CTR9: variants seen among roughly 807,000 people sequenced by gnomAD.
CTR9 encodes CTR9 component of Paf1/RNA polymerase II complex, also known as RNA polymerase-associated protein CTR9 homolog.
A neutral mutation model predicts 152.1 loss-of-function variants in CTR9; 41 were observed. That is an observed-to-expected ratio of 0.27 (90% CI 0.21 to 0.35). CTR9 has a LOEUF of 0.35. Ranked by LOEUF, CTR9 falls within the 10% of genes least tolerant of loss-of-function variation. The pLI, the probability that CTR9 is intolerant of heterozygous loss-of-function variation, is 1.00. For synonymous variants in CTR9, 476 were observed against 496.2 expected, an observed-to-expected ratio of 0.96 and a Z score of 0.54; for missense variants, 917 against 1,424.4, an observed-to-expected ratio of 0.64 and a Z score of 5.73.
At chr11:10,769,877 C>T (rs1009425560) in intron 16 of CTR9, among the ~76,000 whole-genome samples, 1 of 152,152 alleles carries the variant, frequency 6.6e-6, no homozygotes, top group African/African-American at 2.4e-5. Context: ...GACTTCTCAT[C>T]AGTGGTCAAT....
At position 10,770,273 on chromosome 11, in the gene CTR9, C is replaced by T. The variant is rs766817007; in HGVS notation, c.2173C>T (p.Arg725Trp). Reference protein sequence around the residue: ...QNTEVVLYLARALFKCGKLQE... With the variant: ...QNTEVVLYLAWALFKCGKLQE... ...CACTGAAGTTGTACTCTATTTGGCCCGGGCCCTCTTCAAGTGTGGCAAGTT... is the reference window on the plus strand; with the variant it reads ...CACTGAAGTTGTACTCTATTTGGCCTGGGCCCTCTTCAAGTGTGGCAAGTT... Residue 725 changes from arginine to tryptophan, a missense_variant, in exon 17 of 25, where the codon CGG (arginine) becomes TGG (tryptophan). Arg to Trp is a moderately radical substitution (Grantham distance 101, BLOSUM62 -3). Coordinates refer to ENST00000361367, the MANE Select transcript of CTR9 (RefSeq NM_014633.5). 4.3e-6 allele frequency: 7 copies of T among 1,614,018 alleles called. No individual in the cohort carries two copies. The highest frequency in any genetic ancestry group is 5.9e-6 in the Non-Finnish European group (7 of 1,179,970).
At chr11:10,773,730 C>T (rs1003643720) in intron 21 of CTR9, among the ~76,000 whole-genome samples, 6 of 151,904 alleles carry the variant, frequency 3.9e-5, no homozygotes, top group South Asian at 2.1e-4. Flanking sequence ...CTAAAAAGTA[C>T]AGAAATTAGC....
intron 9 of CTR9, 39 bp from the exon 10 acceptor site, chr11:10,764,073 A>G (rs775403885): frequency 6.3e-7 from 1 of 1,591,156 alleles, no homozygotes. Flanking sequence ...GACAACCTAT[A>G]GATGGAATAC....
chr11:10,779,165 T>C lies in CTR9; in HGVS notation c.*60T>C. The C allele has an allele frequency of 1.3e-6, 2 of 1,484,376 alleles. No homozygotes were observed. The highest frequency in any genetic ancestry group is 1.3e-5 in the South Asian group (1 of 74,692). 92.0% of individuals were successfully genotyped at this position (1,484,376 alleles called of 1,614,324 possible). ...AAACTTTTTTAATATATGAAAGCTG[T>C]GATAAAAATGTTTCAGATGTTTAGT... is the stretch of plus-strand genomic sequence containing the variant. On this transcript the variant is annotated 3_prime_UTR_variant, in exon 25 of 25. Transcript: ENST00000361367.
At position 10,768,381 on chromosome 11, in the gene CTR9, C is replaced by G; in HGVS notation, c.1999C>G (p.Arg667Gly). Residue 667 changes from arginine to glycine, a missense_variant, in exon 16 of 25, where the codon CGT becomes GGT. By Grantham distance (125) the Arg-to-Gly change is moderately radical (BLOSUM62 -2). This residue lies in a region of CTR9 where 87 missense variants were observed against 235.7 expected (regional missense o/e 0.37). Transcript: ENST00000361367. Reference sequence around the variant, plus strand: ...CCACAAAGGATATTTTCGTGAAGCTCGTGATGTATTTGCCCAAGTAAGAGA... The same window carrying G: ...CCACAAAGGATATTTTCGTGAAGCTGGTGATGTATTTGCCCAAGTAAGAGA... ...LAHKGYFREARDVFAQVREAT... is the reference protein window; with the variant it reads ...LAHKGYFREAGDVFAQVREAT... The G allele has an allele frequency of 6.2e-7, 1 of 1,613,934 alleles. No individual in the cohort carries two copies. The highest frequency in any genetic ancestry group is 8.5e-7 in the Non-Finnish European group (1 of 1,179,976).
chr11:10,770,662 A>G, intron 18 of CTR9, 30 bp downstream of exon 18: 1 of 1,593,486 alleles, frequency 6.3e-7, no homozygotes, highest in Non-Finnish European at 8.5e-7. Flanking sequence ...AACCTATGAA[A>G]TGCTTTATTT....
Position 10,754,989 on chromosome 11 carries a change from A to T in CTR9, c.176A>T (p.Glu59Val). The T allele has an allele frequency of 6.2e-7, 1 of 1,613,992 alleles. No homozygotes were observed. The highest frequency in any genetic ancestry group is 8.5e-7 in the Non-Finnish European group (1 of 1,179,946). ...TACTACAAGCAAGGAAAAACAGAAG[A>T]GTTTGTAAAATTGTTGGAAGCAGCA... Reference protein sequence around the residue: ...LEYYKQGKTEEFVKLLEAARI... With the variant: ...LEYYKQGKTEVFVKLLEAARI... The change falls in exon 3 of 25, where the codon GAG becomes GTG. Residue 59 changes from glutamate to valine, a missense_variant. By Grantham distance (121) the Glu-to-Val change is moderately radical. This residue lies in a region of CTR9 where 67 missense variants were observed against 106.9 expected (regional missense o/e 0.63). Transcript: ENST00000361367.
intron 2 of CTR9, among the ~76,000 whole-genome samples, chr11:10,754,741 A>G (rs1157760095): frequency 6.6e-6 from 1 of 152,216 alleles, no homozygotes. Flanking sequence ...AGATTTATCC[A>G]TGTTGTAGCA....
At chr11:10,759,902 C>T (rs938025401) in intron 5 of CTR9, among the ~76,000 whole-genome samples, 1 of 151,908 alleles carries the variant, frequency 6.6e-6, no homozygotes, top group Non-Finnish European at 1.5e-5. Context: ...TGGTTAGCAG[C>T]GATGTTAGAA....
intron 24 of CTR9, among the ~76,000 whole-genome samples, chr11:10,776,492 G>A (rs1472516007): frequency 6.6e-6 from 1 of 152,080 alleles, no homozygotes; most frequent in African/African-American, 2.4e-5. Context: ...TCTCAACCAG[G>A]TCTCTTAATA....
intron 5 of CTR9, among the ~76,000 whole-genome samples, chr11:10,758,585 A>T (rs2135360708): frequency 6.6e-6 from 1 of 152,326 alleles, no homozygotes; most frequent in South Asian, 2.1e-4. Flanking sequence ...AGTTTGAAAT[A>T]CCTTTTAGAC....
intron 13 of CTR9, among the ~76,000 whole-genome samples, 185 bp downstream of exon 13, chr11:10,766,675 A>G (rs1173991427): frequency 1.3e-5 from 2 of 152,174 alleles, no homozygotes; most frequent in African/African-American, 4.8e-5. Context: ...AATAGGGACC[A>G]TGTTTTTTTA....
intron 5 of CTR9, among the ~76,000 whole-genome samples, chr11:10,759,256 A>G (rs925474711): frequency 6.6e-6 from 1 of 152,206 alleles, no homozygotes; most frequent in Non-Finnish European, 1.5e-5. Context: ...TAGGAGGAAA[A>G]TAGGGTAAGT....
chr11:10,779,153 A>T lies in CTR9; in HGVS notation c.*48A>T, dbSNP rs746078388. 1 of 1,510,034 alleles carries T rather than the reference A, an allele frequency of 6.6e-7. No homozygotes were observed. The highest frequency in any genetic ancestry group is 1.3e-5 in the South Asian group (1 of 78,028). The allele number at this position is 1,510,034 out of a possible 1,614,324, so 93.5% of individuals were successfully genotyped here. A position where few individuals can be genotyped will look rare whatever the true frequency, so the allele number is the denominator to read the frequency against. ...CATCTCTGGAGGAAACTTTTTTAAT[A>T]TATGAAAGCTGTGATAAAAATGTTT... On this transcript the variant is annotated 3_prime_UTR_variant, in exon 25 of 25. Transcript: ENST00000361367.
rs939104309 is a variant in CTR9 at position 10,754,892 on chromosome 11, A to G, written c.145-66A>G. On this transcript the variant is annotated intron_variant, in intron 2 of 24. Transcript: ENST00000361367. ...TATTACAAATAAAGCTGCTGTAAAC[A>G]TTTGTGTACAACTTTTTATATGGAC... is the stretch of plus-strand genomic sequence containing the variant. 3.1e-5 allele frequency: 47 copies of G among 1,513,568 alleles called. No individual in the cohort carries two copies. In the African/African-American group the frequency reaches 3.6e-4, roughly 12 times the overall value. The allele number at this position is 1,513,568 out of a possible 1,614,324, so 93.8% of individuals were successfully genotyped here.
intron 13 of CTR9, chr11:10,766,907 C>G (rs1863069610): frequency 6.4e-6 from 1 of 156,064 alleles, no homozygotes; most frequent in African/African-American, 2.4e-5. Context: ...TGAGGGCCCA[C>G]AAAAAGAAAT....
rs1863216374 is a variant in CTR9, at chr11:10,775,396, C to T, written c.2982+93C>T. Reference sequence around the variant, plus strand: ...ATTCTTTCCTTGCAGCTTTCTCAAGCACAAATGCTTGTTTTCAAAGTTCAT... The same window carrying T: ...ATTCTTTCCTTGCAGCTTTCTCAAGTACAAATGCTTGTTTTCAAAGTTCAT... On this transcript the variant is annotated intron_variant, in intron 23 of 24. Coordinates refer to ENST00000361367, the MANE Select transcript of CTR9 (RefSeq NM_014633.5). 4.3e-6 allele frequency: 6 copies of T among 1,407,292 alleles called. No individual in the cohort carries two copies. The East Asian group carries it at 1.4e-4, about 33-fold the overall frequency. 87.2% of individuals were successfully genotyped at this position (1,407,292 alleles called of 1,614,324 possible). A position where few individuals can be genotyped will look rare whatever the true frequency, so the allele number is the denominator to read the frequency against.
intron 20 of CTR9, 48 bp downstream of exon 20, chr11:10,772,703 G>A (rs1246266675): frequency 2.6e-6 from 4 of 1,510,718 alleles, no homozygotes; most frequent in East Asian, 2.4e-5. Context: ...TTGTGTGCAT[G>A]CATACACTTT....
intron 5 of CTR9, among the ~76,000 whole-genome samples, chr11:10,758,816 A>G (rs1352391298): frequency 6.6e-6 from 1 of 152,226 alleles, no homozygotes; most frequent in East Asian, 1.9e-4. Flanking sequence ...TTTGTAACCA[A>G]TCAAATTGCT....
Sources: allele counts gnomAD v4.1 joint callset (sites outside exome capture counted in the v4.1 genomes callset), GRCh38; gene constraint gnomAD v4.1.1; regional missense constraint gnomAD v4.1.1; transcripts MANE v1.5; gene names NCBI Gene and HGNC (gene_info 2026-07-23, HGNC 2026-07-21).